Variants in SHANK2 observed in about 807,000 individuals in gnomAD.
SHANK2 encodes SH3 and multiple ankyrin repeat domains protein 2.
Under a neutral mutation model 133.7 loss-of-function variants are expected in SHANK2, and 43 were observed. That is an observed-to-expected ratio of 0.32 (90% CI 0.25 to 0.41). The LOEUF (loss-of-function observed/expected upper bound fraction) is 0.41, where lower values mean the gene tolerates loss of function less well. Ranked by LOEUF, SHANK2 falls within the 10% of genes least tolerant of loss-of-function variation. The probability of loss-of-function intolerance (pLI) is 1.00; values close to 1 mark genes in which losing one functional copy is unlikely to be tolerated. For synonymous variants in SHANK2, 1,017 were observed against 952.8 expected (o/e 1.07, Z -1.24); for missense variants, 1,994 against 2,235.8 (o/e 0.89, Z 2.18).
In SHANK2 at chr11:71,129,231, C is replaced by T. The variant is rs546343596; in HGVS notation, c.208-10199G>A. On this transcript the variant is annotated intron_variant, in intron 3 of 25. Transcript: ENST00000601538. ...GGTCTGGACTTCACAGCGGGGCTGA[C>T]GGGAGTTTCTGCCTACTGAGTCTTG... 5.9e-5 allele frequency among the ~76,000 whole-genome samples: 9 copies of T among 152,324 alleles called. No homozygotes were observed. The East Asian group carries it at 9.6e-4, about 16-fold the overall frequency.
chr11:70,568,370 C>A (rs889781753), intron 17 of SHANK2, among the ~76,000 whole-genome samples: 2 of 152,140 alleles, frequency 1.3e-5, no homozygotes, highest in Admixed American at 6.5e-5. Context: ...AGCCTCCTTG[C>A]CTCTCTCACA....
At chr11:70,849,375 A>G (rs1555064735) in intron 11 of SHANK2, among the ~76,000 whole-genome samples, 1 of 152,224 alleles carries the variant, frequency 6.6e-6, no homozygotes, top group East Asian at 1.9e-4. Context: ...TATTCTCCCT[A>G]GATCACATCT....
chr11:71,099,751 A>C (rs1191825139), intron 6 of SHANK2, among the ~76,000 whole-genome samples: 1 of 152,206 alleles, frequency 6.6e-6, no homozygotes, highest in Non-Finnish European at 1.5e-5. Flanking sequence ...AGGGAACTGC[A>C]AACTAAGACA....
At chr11:70,589,960 T>C (rs2060300420) in intron 17 of SHANK2, among the ~76,000 whole-genome samples, 1 of 152,112 alleles carries the variant, frequency 6.6e-6, no homozygotes, top group African/African-American at 2.4e-5. Context: ...AAGACCATCC[T>C]GGCTAACACA....
intron 11 of SHANK2, chr11:70,826,324 C>G: frequency 2.5e-6 from 1 of 404,394 alleles, no homozygotes; most frequent in Non-Finnish European, 5.1e-6. Context: ...GTATCCCAAA[C>G]CAAAGTCATT....
intron 14 of SHANK2, among the ~76,000 whole-genome samples, chr11:70,797,131 G>A (rs1370425266): frequency 2.6e-5 from 4 of 152,148 alleles, no homozygotes; most frequent in Admixed American, 6.5e-5. Context: ...CCCGCTTCTC[G>A]GTTCCATGGC....
intron 17 of SHANK2, among the ~76,000 whole-genome samples, chr11:70,572,783 C>T (rs904122629): frequency 1.3e-5 from 2 of 152,178 alleles, no homozygotes; most frequent in South Asian, 2.1e-4. Context: ...GAGGCTGACC[C>T]GCCACACGTG....
intron 25 of SHANK2, among the ~76,000 whole-genome samples, chr11:70,477,036 C>T (rs1192975410): frequency 6.6e-6 from 1 of 152,188 alleles, no homozygotes; most frequent in Non-Finnish European, 1.5e-5. Flanking sequence ...GCTCTGCAGG[C>T]AGCTGTGTGT....
chr11:70,568,393 C>T (rs1554982360), intron 17 of SHANK2, among the ~76,000 whole-genome samples: 1 of 152,230 alleles, frequency 6.6e-6, no homozygotes, highest in Non-Finnish European at 1.5e-5. Flanking sequence ...TCCCTGAAAG[C>T]TCCTTGCAGA....
intron 11 of SHANK2, among the ~76,000 whole-genome samples, chr11:70,850,635 G>A (rs1412680844): frequency 6.6e-6 from 1 of 152,192 alleles, no homozygotes; most frequent in Non-Finnish European, 1.5e-5. Flanking sequence ...AGTGTAGTGG[G>A]GGCTTGGGCC....
chr11:70,896,185 C>T lies in SHANK2; in HGVS notation c.1174+316G>A, dbSNP rs558233279. Among the ~76,000 whole-genome samples the T allele has an allele frequency of 9.2e-5, 14 of 152,310 alleles. No homozygotes were observed. In the South Asian group the frequency reaches 2.9e-3, roughly 32 times the overall value. On this transcript the variant is annotated intron_variant, in intron 11 of 25. Transcript: ENST00000601538. ...AATTAAACACTTCCTGTTCCTCTCC[C>T]CATTTTACTAAATCAATGATGTTCA... is the stretch of plus-strand genomic sequence containing the variant.
At chr11:70,527,064 T>C (rs2059408136) in intron 17 of SHANK2, among the ~76,000 whole-genome samples, 1 of 152,200 alleles carries the variant, frequency 6.6e-6, no homozygotes, top group Non-Finnish European at 1.5e-5. Context: ...TCCCCTTCCC[T>C]GATCCTGGCC....
At chr11:70,814,150 C>T (rs1255636085) in intron 12 of SHANK2, among the ~76,000 whole-genome samples, 1 of 152,140 alleles carries the variant, frequency 6.6e-6, no homozygotes, top group Non-Finnish European at 1.5e-5. Flanking sequence ...ATGGCGCAAC[C>T]CCATCTCTAC....
intron 11 of SHANK2, among the ~76,000 whole-genome samples, chr11:70,873,910 C>T (rs547258425): frequency 2.6e-5 from 4 of 152,258 alleles, no homozygotes; most frequent in East Asian, 1.9e-4. Context: ...AAACAGCTCC[C>T]GGGCGTCAGT....
At chr11:70,885,314 G>A (rs1335538329) in intron 11 of SHANK2, among the ~76,000 whole-genome samples, 1 of 152,224 alleles carries the variant, frequency 6.6e-6, no homozygotes, top group Non-Finnish European at 1.5e-5. Flanking sequence ...GGTGAGAACT[G>A]CCCAGGACCG....
chr11:70,550,604 C>T (rs560074855), intron 17 of SHANK2, among the ~76,000 whole-genome samples: 138 of 152,286 alleles, frequency 9.1e-4, no homozygotes, highest in African/African-American at 2.9e-3. Context: ...GGGGTCGGCT[C>T]GCATTTGGTC....
chr11:70,918,566 A>G (rs1440770456), intron 10 of SHANK2, among the ~76,000 whole-genome samples: 1 of 152,082 alleles, frequency 6.6e-6, no homozygotes, highest in Non-Finnish European at 1.5e-5. Flanking sequence ...AATGCAGCGG[A>G]GCAATCTCGG....
chr11:70,660,767 G>A (rs1225713123), intron 16 of SHANK2, among the ~76,000 whole-genome samples: 7 of 152,182 alleles, frequency 4.6e-5, no homozygotes, highest in African/African-American at 7.2e-5. Context: ...TGGACAGCTC[G>A]CTATGGAGCT....
intron 14 of SHANK2, among the ~76,000 whole-genome samples, chr11:70,773,452 C>T (rs1555043301): frequency 6.6e-6 from 1 of 152,194 alleles, no homozygotes; most frequent in Non-Finnish European, 1.5e-5. Context: ...TTCATGACAT[C>T]TCTTTTCACT....
Sources: allele counts gnomAD v4.1 joint callset (sites outside exome capture counted in the v4.1 genomes callset), GRCh38; gene constraint gnomAD v4.1.1; transcripts MANE v1.5; gene names NCBI Gene and HGNC (gene_info 2026-07-23, HGNC 2026-07-21).